The following HADH variants were observed in gnomAD, a reference collection of about 807,000 sequenced individuals.
The protein encoded by HADH is hydroxyacyl-coenzyme A dehydrogenase, mitochondrial.
Under a neutral mutation model 32.2 loss-of-function variants are expected in HADH, and 24 were observed. That is an observed-to-expected ratio of 0.75 (90% confidence interval 0.54 to 1.05). The LOEUF (loss-of-function observed/expected upper bound fraction) is 1.05. Among genes scored for constraint, HADH ranks in the 50% least tolerant of loss-of-function variants. The pLI is 0.00. For synonymous variants in HADH, 139 were observed against 152.5 expected (o/e 0.91, Z 0.65); for missense variants, 350 against 397.1 (o/e 0.88, Z 1.01).
Position 108,019,617 on chromosome 4 carries a change from T to A in HADH, c.497T>A (p.Phe166Tyr), listed in dbSNP as rs1342966662. ...AATGCCACCACCAGACAAGACCGAT[T>A]CGCTGGCCTCCATTTCTTCAACCCA... is the stretch of plus-strand genomic sequence containing the variant. ...IANATTRQDR[F>Y]AGLHFFNPVP... The change falls in exon 4 of 8, where the codon TTC (phenylalanine) becomes TAC (tyrosine). Residue 166 changes from phenylalanine (F) to tyrosine (Y), a missense_variant. Physicochemically the swap from Phe to Tyr is conservative, Grantham distance 22. Transcript: ENST00000309522. The A allele has an allele frequency of 6.2e-6, 10 of 1,614,172 alleles. No individual in the cohort carries two copies. Among genetic ancestry groups the A allele is most frequent in the Non-Finnish European group, 8.5e-6 (10 of 1,180,000 alleles).
rs779135938 is a variant in HADH at position 107,990,032 on chromosome 4, G to C, written c.100G>C (p.Gly34Arg). ...KIIVKHVTVI[G>R]GGLMGAGIAQ... The stretch of plus-strand genomic sequence containing the variant: ...AATCGTCAAGCACGTGACGGTCATC[G>C]GCGGCGGGCTGATGGGCGCCGGCAT... Residue 34 changes from glycine to arginine, a missense_variant, in exon 1 of 8, where the codon GGC becomes CGC. By Grantham distance (125) the Gly-to-Arg change is moderately radical. Transcript: ENST00000309522. 2.7e-5 allele frequency: 43 copies of C among 1,611,140 alleles called. No homozygotes were observed. The highest frequency in any genetic ancestry group is 3.6e-5 in the Non-Finnish European group (43 of 1,179,214).
rs1323510935 is a variant in HADH at position 108,034,840 on chromosome 4, T to C, written c.*483T>C. ...ATAAGAACATTTTACTACCTGCAGCTTTGAGTCTTGCCCTACATTTTGGGC... is the reference window on the plus strand; with the variant it reads ...ATAAGAACATTTTACTACCTGCAGCCTTGAGTCTTGCCCTACATTTTGGGC... On this transcript the variant is annotated 3_prime_UTR_variant, in exon 8 of 8. Coordinates refer to ENST00000309522, the MANE Select transcript of HADH (RefSeq NM_005327.7). 1 of 267,814 alleles carries C rather than the reference T, an allele frequency of 3.7e-6. No homozygotes were observed. The highest frequency in any genetic ancestry group is 7.3e-6 in the Non-Finnish European group (1 of 137,040). The allele number at this position is 267,814 out of a possible 1,614,324, so 16.6% of individuals were successfully genotyped here.
At chr4:108,010,557 AT>A (rs1198565436) in intron 2 of HADH, among the ~76,000 whole-genome samples, 3 of 152,172 alleles carry the variant, frequency 2.0e-5, no homozygotes, top group Non-Finnish European at 4.4e-5. Context: ...CTTGGATAGA[AT>A]TTCTCGCTGT....
At chr4:107,990,336 G>A (rs2126215743) in intron 1 of HADH, among the ~76,000 whole-genome samples, 1 of 152,352 alleles carries the variant, frequency 6.6e-6, no homozygotes, top group Admixed American at 6.5e-5. Context: ...TCCATGGAGA[G>A]TGGCGGTGAA....
At chr4:108,010,034 A>G in intron 2 of HADH, 147 bp downstream of exon 2, 4 of 649,126 alleles carry the variant, frequency 6.2e-6, no homozygotes, top group Non-Finnish European at 1.1e-5. Context: ...ATAACTTTAA[A>G]CCAATATAAT....
At chr4:107,997,754 TGTG>T (rs1037436913) in intron 1 of HADH, among the ~76,000 whole-genome samples, 10 of 152,132 alleles carry the variant, frequency 6.6e-5, no homozygotes, top group African/African-American at 2.4e-4. Context: ...TGATTTAAAT[TGTG>T]GTCACTCAAA....
chr4:108,034,468 T>A lies in HADH; in HGVS notation c.*111T>A. On this transcript the variant is annotated 3_prime_UTR_variant, in exon 8 of 8. Coordinates refer to ENST00000309522, the MANE Select transcript of HADH (RefSeq NM_005327.7). ...AGACATTCCCTCACACAGTACAGTT[T>A]AATAAATGTGCATTTTGATTGTAAT... The A allele has an allele frequency of 1.3e-6, 1 of 769,802 alleles. No individual in the cohort carries two copies. Among genetic ancestry groups the A allele is most frequent in the Non-Finnish European group, 2.4e-6 (1 of 412,734 alleles). 47.7% of individuals were successfully genotyped at this position (769,802 alleles called of 1,614,324 possible).
intron 6 of HADH, chr4:108,029,455 C>G (rs1225846885): frequency 6.6e-6 from 1 of 152,370 alleles, no homozygotes; most frequent in Non-Finnish European, 1.5e-5. Flanking sequence ...CGCTACTGCA[C>G]TTACTGAGAA....
intron 5 of HADH, 160 bp from the exon 6 acceptor site, chr4:108,027,528 T>G: frequency 2.8e-4 from 191 of 691,874 alleles, no homozygotes; most frequent in East Asian, 4.3e-4. Context: ...AATTGTCATA[T>G]GAGATAGAAA....
At position 107,993,339 on chromosome 4, in the gene HADH, A is replaced by G. The variant is rs142676525; in HGVS notation, c.132+3275A>G. On this transcript the variant is annotated intron_variant, in intron 1 of 7. Transcript: ENST00000309522. ...GTATGTTTTTTCAGGGACCTCTGAA[A>G]GGAGGGAGAACACTTTTTAGTTACC... Among the ~76,000 whole-genome samples, 341 of 152,290 alleles carry G rather than the reference A, an allele frequency of 2.2e-3. 1 individual carries two copies. The highest frequency in any genetic ancestry group is 7.6e-3 in the African/African-American group (318 of 41,572).
intron 1 of HADH, among the ~76,000 whole-genome samples, chr4:108,004,010 C>T (rs915034846): frequency 1.3e-5 from 2 of 152,166 alleles, no homozygotes; most frequent in Non-Finnish European, 2.9e-5. Context: ...GAGTCTGGCC[C>T]TTGCCTGTCT....
chr4:108,027,638 C>G (rs1010721030), intron 5 of HADH, 50 bp from the exon 6 acceptor site: 5 of 1,106,806 alleles, frequency 4.5e-6, no homozygotes, highest in Admixed American at 3.4e-5. Context: ...ACAAAAGATA[C>G]CATTTAATGA....
rs1404795044 is a variant in HADH at position 108,019,677 on chromosome 4, G to A, written c.546+11G>A. Reference sequence around the variant, plus strand: ...ATGAAACTTGTGGAGGTCAGTGGGTGTCAGCTTGTGTGTGTCTGCCCGCTC... The same window carrying A: ...ATGAAACTTGTGGAGGTCAGTGGGTATCAGCTTGTGTGTGTCTGCCCGCTC... On this transcript the variant is annotated intron_variant, in intron 4 of 7. Transcript: ENST00000309522. 1 of 1,613,942 alleles carries A rather than the reference G, an allele frequency of 6.2e-7. No individual in the cohort carries two copies. Among genetic ancestry groups the A allele is most frequent in the Admixed American group, 1.7e-5 (1 of 60,002 alleles).
chr4:108,013,799 A>G (rs1382411708), intron 2 of HADH, among the ~76,000 whole-genome samples: 1 of 152,202 alleles, frequency 6.6e-6, no homozygotes, highest in African/African-American at 2.4e-5. Context: ...ATTGGGTTAA[A>G]TAACATTAAT....
At chr4:108,022,975 T>C (rs1200390813) in intron 4 of HADH, among the ~76,000 whole-genome samples, 1 of 150,390 alleles carries the variant, frequency 6.6e-6, no homozygotes, top group Non-Finnish European at 1.5e-5. Context: ...ATTTTGTACA[T>C]TCTACAGTAC....
chr4:107,995,734 T>G (rs1734936235), intron 1 of HADH, among the ~76,000 whole-genome samples: 1 of 152,188 alleles, frequency 6.6e-6, no homozygotes, highest in Non-Finnish European at 1.5e-5. Context: ...TTCTCTTCTG[T>G]TCTGCTGCCT....
intron 1 of HADH, chr4:108,004,451 T>TA (rs1735222431): frequency 2.9e-6 from 1 of 342,462 alleles, no homozygotes; most frequent in South Asian, 2.5e-5. Context: ...TTACCCAAAC[T>TA]GTACAAAGGC....
intron 5 of HADH, 30 bp from the exon 6 acceptor site, chr4:108,027,658 A>G: frequency 7.3e-7 from 1 of 1,370,556 alleles, no homozygotes; most frequent in Non-Finnish European, 1.0e-6. Context: ...AAAATTTACT[A>G]GTTTTTTGTT....
rs11335135 is a variant in HADH at position 108,022,994 on chromosome 4, C to CT, written c.547-463dup. ...TGTACATTCTACAGTACACTGTTGT[C>CT]TTTTTTTTTTTTTTTTTGAGACGGT... On this transcript the variant is annotated intron_variant, in intron 4 of 7. Coordinates refer to ENST00000309522, the MANE Select transcript of HADH (RefSeq NM_005327.7). 1.5e-3 allele frequency among the ~76,000 whole-genome samples: 180 copies of CT among 118,300 alleles called. 2 individuals carry two copies. The highest frequency in any genetic ancestry group is 4.5e-3 in the Middle Eastern group (1 of 222). The allele number at this position is 118,300 out of a possible 152,430, so 77.6% of individuals were successfully genotyped here. A position where few individuals can be genotyped will look rare whatever the true frequency, so the allele number is the denominator to read the frequency against.
Sources: allele counts gnomAD v4.1 joint callset (sites outside exome capture counted in the v4.1 genomes callset), GRCh38; gene constraint gnomAD v4.1.1; transcripts MANE v1.5; gene names NCBI Gene and HGNC (gene_info 2026-07-23, HGNC 2026-07-21).